Variants in KCNJ6 observed in about 807,000 individuals in gnomAD.
KCNJ6 encodes the protein G protein-activated inward rectifier potassium channel 2.
Under a neutral mutation model 34.2 loss-of-function variants are expected in KCNJ6, and 9 were observed. The observed-to-expected ratio is 0.26, with a 90% CI of 0.16 to 0.46. The LOEUF (loss-of-function observed/expected upper bound fraction) is 0.46. KCNJ6 is among the 20% of genes least tolerant of loss of function. The pLI, the probability that KCNJ6 is intolerant of heterozygous loss-of-function variation, is 1.00. For synonymous variants in KCNJ6, 196 were observed against 207.1 expected (o/e 0.95, Z 0.46); for missense variants, 236 against 531.3 (o/e 0.44, Z 5.46).
At chr21:37,851,262 G>A (rs777788012) in intron 1 of KCNJ6, among the ~76,000 whole-genome samples, 1 of 152,216 alleles carries the variant, frequency 6.6e-6, no homozygotes, top group Non-Finnish European at 1.5e-5. Flanking sequence ...CAATAGGACA[G>A]CAGAGAGTCC....
intron 2 of KCNJ6, among the ~76,000 whole-genome samples, chr21:37,802,569 G>A (rs1355711021): frequency 6.6e-6 from 1 of 152,166 alleles, no homozygotes; most frequent in Non-Finnish European, 1.5e-5. Context: ...GCCACCTCTA[G>A]AAGTGAGAAG....
In KCNJ6 at chr21:37,871,373, C is replaced by T. The variant is rs147537963; in HGVS notation, c.-27-30664G>A. Among the ~76,000 whole-genome samples the T allele has an allele frequency of 1.3e-3, 205 of 152,272 alleles. 1 individual carries two copies. The highest frequency in any genetic ancestry group is 4.7e-3 in the African/African-American group (195 of 41,552). On this transcript the variant is annotated intron_variant, in intron 1 of 3. Transcript: ENST00000609713. Reference sequence around the variant, plus strand: ...AGAGCTCAAACCAAAACCTGGACTTCGTGTTCCAGGTGGGTGGGAATTGAA... The same window carrying T: ...AGAGCTCAAACCAAAACCTGGACTTTGTGTTCCAGGTGGGTGGGAATTGAA...
intron 3 of KCNJ6, among the ~76,000 whole-genome samples, chr21:37,688,795 A>G (rs1256920988): frequency 6.6e-6 from 1 of 152,226 alleles, no homozygotes; most frequent in Non-Finnish European, 1.5e-5. Flanking sequence ...CCTAGTAAGT[A>G]TTAATATTTT....
At chr21:37,668,132 G>A (rs2054525336) in intron 3 of KCNJ6, among the ~76,000 whole-genome samples, 1 of 152,156 alleles carries the variant, frequency 6.6e-6, no homozygotes, top group Admixed American at 6.5e-5. Flanking sequence ...CAGCTCGGGT[G>A]TGTGGGGCAG....
At chr21:37,770,178 TTC>T (rs2055111027) in intron 2 of KCNJ6, among the ~76,000 whole-genome samples, 1 of 152,134 alleles carries the variant, frequency 6.6e-6, no homozygotes. Context: ...TGAGGAAGTT[TTC>T]TCTGTTTTGG....
intron 2 of KCNJ6, among the ~76,000 whole-genome samples, chr21:37,729,745 G>C (rs78441361): frequency 0.066 from 10,124 of 152,276 alleles, 355 homozygotes; most frequent in Non-Finnish European, 0.076. Flanking sequence ...AAGATGCCCA[G>C]ATGAGGGGAG....
intron 2 of KCNJ6, among the ~76,000 whole-genome samples, chr21:37,753,241 C>T (rs969022867): frequency 4.0e-4 from 61 of 152,174 alleles, no homozygotes; most frequent in African/African-American, 9.4e-4. Context: ...CGGATTGAAC[C>T]TGTCAAACAA....
intron 1 of KCNJ6, among the ~76,000 whole-genome samples, chr21:37,891,679 T>C (rs1421762000): frequency 1.4e-5 from 2 of 139,722 alleles, no homozygotes; most frequent in Middle Eastern, 3.8e-3. Context: ...TTGCAAGTGT[T>C]TGAACTACCA....
intron 3 of KCNJ6, among the ~76,000 whole-genome samples, chr21:37,660,142 C>T (rs762033427): frequency 3.3e-5 from 5 of 152,224 alleles, no homozygotes; most frequent in Non-Finnish European, 7.3e-5. Context: ...GTGAGACTCA[C>T]GTGCAGAGCT....
chr21:37,791,550 A>G (rs1421050278), intron 2 of KCNJ6, among the ~76,000 whole-genome samples: 1 of 152,246 alleles, frequency 6.6e-6, no homozygotes, highest in Non-Finnish European at 1.5e-5. Flanking sequence ...TGTTGGCACA[A>G]TCTTAGTTCT....
At chr21:37,755,651 C>G (rs2055020514) in intron 2 of KCNJ6, among the ~76,000 whole-genome samples, 1 of 152,200 alleles carries the variant, frequency 6.6e-6, no homozygotes, top group African/African-American at 2.4e-5. Flanking sequence ...GAAAAGGTGT[C>G]CTCTCTCTGT....
At chr21:37,828,297 T>C (rs2055408401) in intron 2 of KCNJ6, among the ~76,000 whole-genome samples, 2 of 152,126 alleles carry the variant, frequency 1.3e-5, no homozygotes, top group Non-Finnish European at 2.9e-5. Flanking sequence ...GCCTTGACTT[T>C]TTCCTCTCTG....
chr21:37,730,217 C>A (rs574130360), intron 2 of KCNJ6, among the ~76,000 whole-genome samples: 8 of 152,354 alleles, frequency 5.3e-5, no homozygotes, highest in African/African-American at 1.7e-4. Context: ...GGACCCGCAG[C>A]CTTAAGTCTT....
Position 37,612,137 on chromosome 21 carries a change from G to A in KCNJ6, c.*13022C>T, listed in dbSNP as rs1251085832. ...CAAAAACAAGCCCCAGAACCTTCCT[G>A]GAACTAATAAGGGATTATAGCAAGA... On this transcript the variant is annotated 3_prime_UTR_variant, in exon 4 of 4. Coordinates refer to ENST00000609713, the MANE Select transcript of KCNJ6 (RefSeq NM_002240.5). 2 of 152,076 alleles carry A rather than the reference G, an allele frequency of 1.3e-5. No individual in the cohort carries two copies. Among genetic ancestry groups the A allele is most frequent in the Non-Finnish European group, 2.9e-5 (2 of 68,016 alleles). 9.4% of individuals were successfully genotyped at this position (152,076 alleles called of 1,614,324 possible).
intron 2 of KCNJ6, among the ~76,000 whole-genome samples, chr21:37,778,399 A>T (rs1288578038): frequency 6.6e-6 from 1 of 152,196 alleles, no homozygotes; most frequent in African/African-American, 2.4e-5. Flanking sequence ...CTTCCTAGAG[A>T]ACATGGAAAG....
intron 2 of KCNJ6, among the ~76,000 whole-genome samples, chr21:37,740,727 A>G (rs955905258): frequency 6.6e-6 from 1 of 152,202 alleles, no homozygotes; most frequent in African/African-American, 2.4e-5. Context: ...TTTCATTGAC[A>G]TTCTTCTGCC....
At chr21:37,717,112 G>C (rs772835566) in intron 2 of KCNJ6, 3 of 153,812 alleles carry the variant, frequency 2.0e-5, no homozygotes, top group Non-Finnish European at 4.4e-5. Flanking sequence ...ATCTGTTTTT[G>C]TGTTTCAGCC....
At chr21:37,761,192 ATG>A (rs568784110) in intron 2 of KCNJ6, among the ~76,000 whole-genome samples, 7 of 147,366 alleles carry the variant, frequency 4.8e-5, no homozygotes, top group South Asian at 4.3e-4. Flanking sequence ...TGTGTGTGCG[ATG>A]TGTGTGTATG....
At position 37,612,150 on chromosome 21, in the gene KCNJ6, G is replaced by T. The variant is rs2054244830; in HGVS notation, c.*13009C>A. The T allele has an allele frequency of 6.6e-6, 1 of 152,094 alleles. No individual in the cohort carries two copies. The highest frequency in any genetic ancestry group is 2.4e-5 in the African/African-American group (1 of 41,402). The allele number at this position is 152,094 out of a possible 1,614,324, so 9.4% of individuals were successfully genotyped here. Reference sequence around the variant, plus strand: ...CAGAACCTTCCTGGAACTAATAAGGGATTATAGCAAGATTTTAGGATTCAA... The same window carrying T: ...CAGAACCTTCCTGGAACTAATAAGGTATTATAGCAAGATTTTAGGATTCAA... On this transcript the variant is annotated 3_prime_UTR_variant, in exon 4 of 4. Transcript: ENST00000609713.
Sources: allele counts gnomAD v4.1 joint callset (sites outside exome capture counted in the v4.1 genomes callset), GRCh38; gene constraint gnomAD v4.1.1; transcripts MANE v1.5; gene names NCBI Gene and HGNC (gene_info 2026-07-23, HGNC 2026-07-21).